KIAA0825: variants seen among roughly 807,000 people sequenced by gnomAD.
KIAA0825 encodes uncharacterized protein KIAA0825.
A neutral mutation model predicts 147.6 loss-of-function variants in KIAA0825; 119 were observed. The observed-to-expected ratio is 0.81, with a 90% CI of 0.69 to 0.94. The LOEUF (loss-of-function observed/expected upper bound fraction) is 0.94. Ranked by LOEUF, KIAA0825 falls within the 40% of genes least tolerant of loss-of-function variation. The probability of loss-of-function intolerance (pLI) is 0.00; values close to 1 mark genes in which losing one functional copy is unlikely to be tolerated. For missense variants in KIAA0825, 1,381 were observed against 1,472.7 expected, an observed-to-expected ratio of 0.94 and a Z score of 1.02; for synonymous variants, 470 against 518.1, an observed-to-expected ratio of 0.91 and a Z score of 1.26.
chr5:94,400,776 A>G (rs979708504), intron 16 of KIAA0825, among the ~76,000 whole-genome samples: 2 of 152,182 alleles, frequency 1.3e-5, no homozygotes, highest in African/African-American at 4.8e-5. Context: ...CCAACTCTCC[A>G]GTAAATCCAC....
At chr5:94,618,342 C>T (rs1185005975) in intron 1 of KIAA0825, 158 bp downstream of exon 1, 2 of 152,644 alleles carry the variant, frequency 1.3e-5, no homozygotes, top group African/African-American at 4.8e-5. Flanking sequence ...CCAGGGCCTT[C>T]TCCAGCTGCA....
intron 20 of KIAA0825, among the ~76,000 whole-genome samples, chr5:94,221,444 C>A (rs1229415197): frequency 6.6e-6 from 1 of 152,198 alleles, no homozygotes; most frequent in Non-Finnish European, 1.5e-5. Flanking sequence ...CACCCAGACC[C>A]TCCTTCAGCT....
chr5:94,447,076 T>G (rs1357096760), intron 13 of KIAA0825, among the ~76,000 whole-genome samples: 2 of 152,052 alleles, frequency 1.3e-5, no homozygotes, highest in East Asian at 3.9e-4. Context: ...AGATAGGGAA[T>G]AGTAGAAGAA....
chr5:94,225,503 GAATT>G (rs1235847870), intron 20 of KIAA0825, among the ~76,000 whole-genome samples: 2 of 152,172 alleles, frequency 1.3e-5, no homozygotes, highest in African/African-American at 2.4e-5. Context: ...GGGCCTTTTG[GAATT>G]AATTATTCAT....
chr5:94,296,587 A>C (rs1283257384), intron 20 of KIAA0825, among the ~76,000 whole-genome samples: 1 of 152,170 alleles, frequency 6.6e-6, no homozygotes, highest in Non-Finnish European at 1.5e-5. Flanking sequence ...TGGGAAAAGC[A>C]TAGTATCTGG....
intron 20 of KIAA0825, among the ~76,000 whole-genome samples, chr5:94,182,050 C>A (rs1769666592): frequency 1.3e-5 from 2 of 151,762 alleles, no homozygotes; most frequent in South Asian, 4.2e-4. Context: ...CATATACAAA[C>A]CTCTTTCTGA....
chr5:94,527,058 C>T (rs1312868944), intron 3 of KIAA0825, among the ~76,000 whole-genome samples: 1 of 152,018 alleles, frequency 6.6e-6, no homozygotes, highest in African/African-American at 2.4e-5. Context: ...GAATTCAGTA[C>T]TTGTCATCTA....
chr5:94,331,355 C>A (rs1029746714), intron 20 of KIAA0825, among the ~76,000 whole-genome samples: 92 of 151,984 alleles, frequency 6.1e-4, no homozygotes, highest in Admixed American at 1.3e-3. Flanking sequence ...ACCAATTCCT[C>A]GAAACAACTC....
intron 20 of KIAA0825, among the ~76,000 whole-genome samples, chr5:94,251,742 T>C (rs1775973864): frequency 6.6e-6 from 1 of 152,080 alleles, no homozygotes; most frequent in Admixed American, 6.6e-5. Context: ...ATAAATAAAA[T>C]GCATTTTTTT....
chr5:94,380,787 A>C (rs1481990185), intron 20 of KIAA0825, among the ~76,000 whole-genome samples: 1 of 152,206 alleles, frequency 6.6e-6, no homozygotes, highest in African/African-American at 2.4e-5. Flanking sequence ...AACTTAAAGA[A>C]AGCATTCTAT....
chr5:94,186,653 G>C (rs571074266), intron 20 of KIAA0825, among the ~76,000 whole-genome samples: 3 of 152,284 alleles, frequency 2.0e-5, no homozygotes, highest in African/African-American at 7.2e-5. Flanking sequence ...TCTGCCTTTA[G>C]GAAGCACATA....
chr5:94,191,758 C>T (rs551900379), intron 20 of KIAA0825, among the ~76,000 whole-genome samples: 3 of 152,316 alleles, frequency 2.0e-5, no homozygotes, highest in African/African-American at 7.2e-5. Flanking sequence ...CAGATGCCAG[C>T]GGAGTGCTGC....
intron 3 of KIAA0825, among the ~76,000 whole-genome samples, chr5:94,534,587 C>T (rs1354973698): frequency 6.6e-6 from 1 of 151,994 alleles, no homozygotes; most frequent in African/African-American, 2.4e-5. Context: ...TCCTATGTTC[C>T]ATATTGTATT....
intron 20 of KIAA0825, among the ~76,000 whole-genome samples, chr5:94,184,397 A>ATT (rs1769934368): frequency 6.6e-6 from 1 of 152,154 alleles, no homozygotes; most frequent in Admixed American, 6.5e-5. Context: ...TTCTTTTGCC[A>ATT]TTTTCATACA....
intron 20 of KIAA0825, among the ~76,000 whole-genome samples, chr5:94,209,965 C>T (rs1320548060): frequency 1.3e-5 from 2 of 152,186 alleles, no homozygotes; most frequent in African/African-American, 4.8e-5. Flanking sequence ...TCTTCCTTCG[C>T]AGAGCCCCAC....
At chr5:94,565,868 A>T (rs1211988229) in intron 2 of KIAA0825, among the ~76,000 whole-genome samples, 1 of 152,178 alleles carries the variant, frequency 6.6e-6, no homozygotes, top group African/African-American at 2.4e-5. Flanking sequence ...ATTGCCTTAA[A>T]TACTTATCAT....
chr5:94,271,308 C>T (rs1342484716), intron 20 of KIAA0825, among the ~76,000 whole-genome samples: 1 of 151,928 alleles, frequency 6.6e-6, no homozygotes, highest in Non-Finnish European at 1.5e-5. Context: ...GCAAAGGAAG[C>T]AATCAACAAA....
chr5:94,563,869 C>T (rs558950588), intron 2 of KIAA0825, among the ~76,000 whole-genome samples: 1 of 151,768 alleles, frequency 6.6e-6, no homozygotes, highest in Non-Finnish European at 1.5e-5. Context: ...ATTTTTAGTT[C>T]GAGATGGGGT....
chr5:94,162,211 T>C (rs1336088013), intron 20 of KIAA0825, among the ~76,000 whole-genome samples: 4 of 152,166 alleles, frequency 2.6e-5, no homozygotes, highest in Non-Finnish European at 5.9e-5. Flanking sequence ...TAGAGAAGGG[T>C]AGGACACAGG....
Sources: allele counts gnomAD v4.1 joint callset (sites outside exome capture counted in the v4.1 genomes callset), GRCh38; gene constraint gnomAD v4.1.1; transcripts MANE v1.5; gene names NCBI Gene and HGNC (gene_info 2026-07-23, HGNC 2026-07-21).